REEP1: variants seen among roughly 807,000 people sequenced by gnomAD.
The protein encoded by REEP1 is receptor expression-enhancing protein 1.
Under a neutral mutation model 40.3 loss-of-function variants are expected in REEP1, and 22 were observed. The observed-to-expected ratio is 0.55, with a 90% CI of 0.39 to 0.78. The LOEUF is 0.78. Among genes scored for constraint, REEP1 ranks in the 30% least tolerant of loss-of-function variants. The pLI, the probability that REEP1 is intolerant of heterozygous loss-of-function variation, is 0.00. For synonymous variants in REEP1, 116 were observed against 139.2 expected, an observed-to-expected ratio of 0.83 and a Z score of 1.17; for missense variants, 280 against 361.1, an observed-to-expected ratio of 0.78 and a Z score of 1.82.
intron 7 of REEP1, chr2:86,223,924 GAT>G (rs1433229483): frequency 3.3e-5 from 5 of 152,072 alleles, no homozygotes; most frequent in Non-Finnish European, 7.4e-5. Flanking sequence ...GAGAGAGAGA[GAT>G]AATAATAGAC....
At chr2:86,332,810 ACTC>A (rs757897362) in intron 1 of REEP1, among the ~76,000 whole-genome samples, 1 of 152,090 alleles carries the variant, frequency 6.6e-6, no homozygotes, top group Non-Finnish European at 1.5e-5. Context: ...CCTTGAGGAT[ACTC>A]CTCCTGTTTA....
intron 7 of REEP1, among the ~76,000 whole-genome samples, chr2:86,224,297 G>A (rs1007621103): frequency 3.9e-5 from 6 of 152,204 alleles, no homozygotes; most frequent in Non-Finnish European, 8.8e-5. Context: ...AGGGGACCAG[G>A]AGGAAAGTGT....
chr2:86,294,070 G>A (rs1401340999), intron 1 of REEP1, among the ~76,000 whole-genome samples: 2 of 152,154 alleles, frequency 1.3e-5, no homozygotes, highest in Non-Finnish European at 2.9e-5. Context: ...GACTACTCTA[G>A]ATAACTCAAC....
chr2:86,216,362 G>T lies in REEP1; in HGVS notation c.*677C>A, dbSNP rs542370189. On this transcript the variant is annotated 3_prime_UTR_variant, in exon 9 of 9. Coordinates refer to ENST00000538924, the MANE Select transcript of REEP1 (RefSeq NM_001371279.1). Reference sequence around the variant, plus strand: ...TGTGAAATATTGTTTCTCTTAGTTTGTAACTTGTCTGGTCTTTTGACTAAA... The same window carrying T: ...TGTGAAATATTGTTTCTCTTAGTTTTTAACTTGTCTGGTCTTTTGACTAAA... The T allele has an allele frequency of 6.6e-6, 1 of 152,308 alleles. No homozygotes were observed. Among genetic ancestry groups the T allele is most frequent in the African/African-American group, 2.4e-5 (1 of 41,542 alleles). 9.4% of individuals were successfully genotyped at this position (152,308 alleles called of 1,614,324 possible).
intron 6 of REEP1, among the ~76,000 whole-genome samples, chr2:86,230,127 G>T (rs1674927881): frequency 6.6e-6 from 1 of 152,196 alleles, no homozygotes; most frequent in African/African-American, 2.4e-5. Context: ...ACTCCCCACT[G>T]CCTCCCTGGG....
rs189652973 is a variant in REEP1 at position 86,217,050 on chromosome 2, C to T, written c.844G>A (p.Glu282Lys). The change falls in exon 9 of 9, where the codon GAA (glutamate) becomes AAA (lysine). Residue 282 changes from glutamate to lysine, a missense_variant. By Grantham distance (56) the Glu-to-Lys change is moderately conservative. Coordinates refer to ENST00000538924, the MANE Select transcript of REEP1 (RefSeq NM_001371279.1). ...TTGGCTCATCTCACTCACGTGGTTT[C>T]GGTGGCCGAGGATGAGGTACTTTTC... Reference protein sequence around the residue: ...RKKSTSSSATETT With the variant: ...RKKSTSSSATKTT 5.1e-4 allele frequency: 824 copies of T among 1,613,890 alleles called. 1 individual carries two copies. Among genetic ancestry groups the T allele is most frequent in the Non-Finnish European group, 6.2e-4 (730 of 1,179,844 alleles).
chr2:86,313,846 C>T (rs1465998272), intron 1 of REEP1, among the ~76,000 whole-genome samples: 2 of 152,148 alleles, frequency 1.3e-5, no homozygotes, highest in African/African-American at 4.8e-5. Flanking sequence ...GCTGATGCTG[C>T]CCTGATGGAA....
At chr2:86,278,973 G>C (rs918855459) in intron 2 of REEP1, among the ~76,000 whole-genome samples, 3 of 152,208 alleles carry the variant, frequency 2.0e-5, no homozygotes, top group Non-Finnish European at 4.4e-5. Flanking sequence ...TAAATGTCTT[G>C]AGCAATGTTT....
intron 1 of REEP1, among the ~76,000 whole-genome samples, chr2:86,328,179 T>G (rs1680602381): frequency 6.6e-6 from 1 of 152,182 alleles, no homozygotes; most frequent in Non-Finnish European, 1.5e-5. Context: ...AGTCCTTGCA[T>G]GTTCTTGGAA....
At position 86,238,777 on chromosome 2, in the gene REEP1, TGG is replaced by T. The variant is rs975298839; in HGVS notation, c.418-5977_418-5976del. ...CTTGAACTTGGGTGGGTGGAGGACT[TGG>T]GTAGGTGAAGATAGAAACCAGGTAG... is the stretch of plus-strand genomic sequence containing the variant. On this transcript the variant is annotated intron_variant, in intron 5 of 8. Coordinates refer to ENST00000538924, the MANE Select transcript of REEP1 (RefSeq NM_001371279.1). 7.4e-4 allele frequency among the ~76,000 whole-genome samples: 112 copies of T among 152,222 alleles called. 1 individual carries two copies. The highest frequency in any genetic ancestry group is 2.6e-3 in the African/African-American group (107 of 41,546).
intron 5 of REEP1, among the ~76,000 whole-genome samples, chr2:86,242,820 G>C (rs999350853): frequency 6.6e-6 from 1 of 152,118 alleles, no homozygotes; most frequent in Non-Finnish European, 1.5e-5. Context: ...CTAGAAGGAA[G>C]GGTGTGGAGG....
At chr2:86,311,089 C>T (rs1334789560) in intron 1 of REEP1, among the ~76,000 whole-genome samples, 2 of 152,070 alleles carry the variant, frequency 1.3e-5, no homozygotes, top group African/African-American at 4.8e-5. Context: ...ATGATTCAAG[C>T]CAATTCACGG....
At chr2:86,304,898 C>A (rs1679412935) in intron 1 of REEP1, among the ~76,000 whole-genome samples, 15 of 152,146 alleles carry the variant, frequency 9.9e-5, no homozygotes, top group Admixed American at 9.8e-4. Context: ...ATGGGGTGGC[C>A]ACATCTGGCC....
At chr2:86,329,541 T>C (rs551696762) in intron 1 of REEP1, among the ~76,000 whole-genome samples, 15 of 152,274 alleles carry the variant, frequency 9.9e-5, no homozygotes, top group Admixed American at 7.8e-4. Context: ...TGGCTTGCAA[T>C]TGAATCCCAG....
Position 86,217,058 on chromosome 2 carries a change from G to T in REEP1, c.836C>A (p.Ser279Ter). 1 of 1,614,082 alleles carries T rather than the reference G, an allele frequency of 6.2e-7. No individual in the cohort carries two copies. The highest frequency in any genetic ancestry group is 1.7e-5 in the Admixed American group (1 of 60,014). ...SRFRKKSTSS[S>*]ATETT ...TCTCACTCACGTGGTTTCGGTGGCCGAGGATGAGGTACTTTTCTTCCTGAA... is the reference window on the plus strand; with the variant it reads ...TCTCACTCACGTGGTTTCGGTGGCCTAGGATGAGGTACTTTTCTTCCTGAA... The change falls in exon 9 of 9, where the codon TCG becomes TAG. Residue 279 changes from serine (S) to a stop codon, truncating the protein, a stop_gained. Transcript: ENST00000538924. LOFTEE classifies it high-confidence loss of function.
chr2:86,322,846 A>G (rs1433805053), intron 1 of REEP1, among the ~76,000 whole-genome samples: 4 of 152,074 alleles, frequency 2.6e-5, no homozygotes, highest in African/African-American at 9.7e-5. Flanking sequence ...CCTTAAGCTC[A>G]GGAGTCTGAG....
chr2:86,307,567 C>T (rs998338645), intron 1 of REEP1, among the ~76,000 whole-genome samples: 1 of 151,872 alleles, frequency 6.6e-6, no homozygotes, highest in Admixed American at 6.6e-5. Flanking sequence ...GTTTGAGACC[C>T]GCCTGGGCAA....
intron 1 of REEP1, among the ~76,000 whole-genome samples, chr2:86,282,446 C>T (rs1257005785): frequency 6.6e-6 from 1 of 152,054 alleles, no homozygotes; most frequent in African/African-American, 2.4e-5. Context: ...AAAGCCCACA[C>T]CCACCTCCCT....
chr2:86,215,635 G>C lies in REEP1; in HGVS notation c.*1404C>G, dbSNP rs893119181. On this transcript the variant is annotated 3_prime_UTR_variant, in exon 9 of 9. Coordinates refer to ENST00000538924, the MANE Select transcript of REEP1 (RefSeq NM_001371279.1). The stretch of plus-strand genomic sequence containing the variant: ...ACAAATATATTATTCTTATATTTCG[G>C]CTCAGCTCTCAGTGGGGAGAGCAGC... 6.6e-6 allele frequency: 1 copy of C among 152,514 alleles called. No homozygotes were observed. The highest frequency in any genetic ancestry group is 2.4e-5 in the African/African-American group (1 of 41,414). 9.4% of individuals were successfully genotyped at this position (152,514 alleles called of 1,614,324 possible).
Sources: gnomAD v4.1 joint callset for allele counts (sites outside exome capture counted in the v4.1 genomes callset) on GRCh38, gnomAD v4.1.1 for gene constraint, MANE v1.5 for transcripts, NCBI Gene and HGNC (gene_info 2026-07-23, HGNC 2026-07-21) for gene names.